CCDC18: variants seen among roughly 807,000 people sequenced by gnomAD.
CCDC18 encodes the protein coiled-coil domain-containing protein 18.
CCDC18 carries 157 observed loss-of-function variants against 196.0 expected under a neutral mutation model. The observed-to-expected ratio is 0.80, with a 90% confidence interval of 0.70 to 0.91. The LOEUF (loss-of-function observed/expected upper bound fraction) is 0.91, where lower values mean the gene tolerates loss of function less well. Ranked by LOEUF, CCDC18 falls within the 40% of genes least tolerant of loss-of-function variation. The probability of loss-of-function intolerance (pLI) is 0.00; values close to 1 mark genes in which losing one functional copy is unlikely to be tolerated. For synonymous variants in CCDC18, 482 were observed against 529.2 expected, an observed-to-expected ratio of 0.91 and a Z score of 1.22; for missense variants, 1,465 against 1,611.6, an observed-to-expected ratio of 0.91 and a Z score of 1.56.
intron 4 of CCDC18, chr1:93,190,925 T>G (rs1651649676): frequency 1.3e-6 from 1 of 784,398 alleles, no homozygotes; most frequent in Non-Finnish European, 2.2e-6. Flanking sequence ...CCATAACCAC[T>G]CTGCTTCCTG....
At chr1:93,186,284 A>G in intron 3 of CCDC18, 61 bp from the exon 4 acceptor site, 1 of 1,464,824 alleles carries the variant, frequency 6.8e-7, no homozygotes, top group Non-Finnish European at 9.3e-7. Flanking sequence ...TTTTCCATTA[A>G]TTACATGTAA....
chr1:93,213,329 C>T (rs1367693517), intron 11 of CCDC18, among the ~76,000 whole-genome samples: 1 of 151,862 alleles, frequency 6.6e-6, no homozygotes, highest in African/African-American at 2.4e-5. Flanking sequence ...TTGTTACCAT[C>T]ACCACAGTCA....
At chr1:93,273,416 G>A (rs760682639) in intron 28 of CCDC18, 1 of 152,124 alleles carries the variant, frequency 6.6e-6, no homozygotes, top group Non-Finnish European at 1.5e-5. Flanking sequence ...TTTTAGTTAA[G>A]GCACAGTAAG....
At chr1:93,197,511 T>C (rs1557611385) in intron 6 of CCDC18, among the ~76,000 whole-genome samples, 2 of 150,252 alleles carry the variant, frequency 1.3e-5, no homozygotes, top group Non-Finnish European at 3.0e-5. Flanking sequence ...AATAAATATA[T>C]GTGTGTGTGT....
chr1:93,227,968 A>AC (rs1250572428), intron 17 of CCDC18, among the ~76,000 whole-genome samples: 1 of 122,476 alleles, frequency 8.2e-6, no homozygotes, highest in Non-Finnish European at 1.6e-5. Flanking sequence ...AAAAAAAAAA[A>AC]AAAATATATA....
chr1:93,216,307 C>T (rs1023795075), intron 12 of CCDC18, among the ~76,000 whole-genome samples: 6 of 152,304 alleles, frequency 3.9e-5, no homozygotes, highest in Non-Finnish European at 5.9e-5. Context: ...CAGTCTTTAA[C>T]AGCTACGTAA....
rs533401701 is a variant in CCDC18, at chr1:93,183,409, A to C, written c.48A>C (p.Glu16Asp). The C allele has an allele frequency of 1.4e-4, 229 of 1,605,306 alleles. No individual in the cohort carries two copies. The highest frequency in any genetic ancestry group is 2.6e-4 in the South Asian group (23 of 89,966). Reference sequence around the variant, plus strand: ...ACTATAATAAAGACAATGAAGAGGAAAGTTTGCTTGCAAATGTTGCTTCCT... The same window carrying C: ...ACTATAATAAAGACAATGAAGAGGACAGTTTGCTTGCAAATGTTGCTTCCT... ...SDYYNKDNEE[E>D]SLLANVASLR... Residue 16 changes from glutamate to aspartate, a missense_variant, in exon 2 of 29, where the codon GAA becomes GAC. By Grantham distance (45) the Glu-to-Asp change is conservative (BLOSUM62 2). Transcript: ENST00000690025.
intron 6 of CCDC18, among the ~76,000 whole-genome samples, chr1:93,200,345 A>G (rs542398748): frequency 6.6e-6 from 1 of 151,836 alleles, no homozygotes; most frequent in African/African-American, 2.4e-5. Flanking sequence ...AAAAAAAAAA[A>G]AAAAGCGAGA....
chr1:93,209,964 G>A (rs1441915492), intron 9 of CCDC18, among the ~76,000 whole-genome samples: 1 of 152,160 alleles, frequency 6.6e-6, no homozygotes, highest in East Asian at 1.9e-4. Flanking sequence ...GAGAAGCTGA[G>A]GTAGGAGGAT....
At chr1:93,190,963 A>G (rs575721386) in intron 4 of CCDC18, 5 of 957,814 alleles carry the variant, frequency 5.2e-6, no homozygotes, top group South Asian at 5.1e-5. Flanking sequence ...CTGGGCATAC[A>G]GAGAATCCTT....
intron 6 of CCDC18, among the ~76,000 whole-genome samples, chr1:93,198,714 C>T (rs1653229912): frequency 6.6e-6 from 1 of 152,098 alleles, no homozygotes; most frequent in Non-Finnish European, 1.5e-5. Context: ...ATGCTGTGGT[C>T]ATGGCTCACA....
chr1:93,273,242 G>A (rs1346011808), intron 28 of CCDC18, among the ~76,000 whole-genome samples: 1 of 151,992 alleles, frequency 6.6e-6, no homozygotes, highest in African/African-American at 2.4e-5. Flanking sequence ...CTAATTTTTT[G>A]TATTTTTAGT....
At chr1:93,241,978 T>C (rs1195830321) in intron 21 of CCDC18, among the ~76,000 whole-genome samples, 1 of 152,136 alleles carries the variant, frequency 6.6e-6, no homozygotes, top group Non-Finnish European at 1.5e-5. Flanking sequence ...GCAGCCACTG[T>C]AGAAAACACT....
In CCDC18 at chr1:93,228,106, C is replaced by T. The variant is rs571822887; in HGVS notation, c.2292+1657C>T. Among the ~76,000 whole-genome samples the T allele has an allele frequency of 2.0e-5, 3 of 151,622 alleles. No individual in the cohort carries two copies. In the South Asian group the frequency reaches 6.2e-4, roughly 31 times the overall value. ...GCAAATTTATACAGAGAATTAGATACACAGGTGATGAAAGGGTAGAGAAGC... is the reference window on the plus strand; with the variant it reads ...GCAAATTTATACAGAGAATTAGATATACAGGTGATGAAAGGGTAGAGAAGC... On this transcript the variant is annotated intron_variant, in intron 17 of 28. Coordinates refer to ENST00000690025, the MANE Select transcript of CCDC18 (RefSeq NM_001378204.1).
intron 16 of CCDC18, among the ~76,000 whole-genome samples, chr1:93,225,725 C>T (rs553395110): frequency 4.6e-5 from 7 of 151,338 alleles, no homozygotes; most frequent in Non-Finnish European, 8.8e-5. Context: ...TGCAGTGACC[C>T]GAGATCGCAC....
intron 11 of CCDC18, 25 bp from the exon 12 acceptor site, chr1:93,214,718 A>G: frequency 3.2e-6 from 5 of 1,542,104 alleles, no homozygotes; most frequent in Non-Finnish European, 4.5e-6. Flanking sequence ...CCTATTCAGA[A>G]CAATTTTCCT....
chr1:93,275,433 T>C (rs142963982), intron 28 of CCDC18, among the ~76,000 whole-genome samples: 20 of 152,296 alleles, frequency 1.3e-4, no homozygotes, highest in Non-Finnish European at 2.1e-4. Context: ...TAAATTGGGA[T>C]GTAGAGCCAT....
At chr1:93,264,216 C>T (rs1664194389) in intron 26 of CCDC18, among the ~76,000 whole-genome samples, 1 of 152,126 alleles carries the variant, frequency 6.6e-6, no homozygotes, top group Non-Finnish European at 1.5e-5. Context: ...GACCCAATCA[C>T]CTCCCACCAG....
chr1:93,234,936 A>AGTGTGTGTGTGT (rs3223482), intron 18 of CCDC18, among the ~76,000 whole-genome samples: 5,911 of 119,168 alleles, frequency 0.05, 227 homozygotes, highest in African/African-American at 0.081. Flanking sequence ...CCCAGCTAAG[A>AGTGTGTGTGTGT]GTGTGTGTGT....
Sources: gnomAD v4.1 joint callset for allele counts (sites outside exome capture counted in the v4.1 genomes callset) on GRCh38, gnomAD v4.1.1 for gene constraint, MANE v1.5 for transcripts, NCBI Gene and HGNC (gene_info 2026-07-23, HGNC 2026-07-21) for gene names.